The following MAGI2 variants were observed in gnomAD, a reference collection of about 807,000 sequenced individuals.
MAGI2 encodes the protein membrane associated guanylate kinase, WW and PDZ domain containing 2, also known as membrane-associated guanylate kinase, WW and PDZ domain-containing protein 2.
In MAGI2, 35 loss-of-function variants were observed where a neutral mutation model predicts 133.3. That is an observed-to-expected ratio of 0.26 (90% CI 0.20 to 0.35). The LOEUF (loss-of-function observed/expected upper bound fraction) is 0.35. MAGI2 is among the 10% of genes least tolerant of loss of function. MAGI2 has a pLI of 1.00. For missense variants in MAGI2, 1,636 were observed against 1,863.4 expected, an observed-to-expected ratio of 0.88 and a Z score of 2.25; for synonymous variants, 729 against 710.6, an observed-to-expected ratio of 1.03 and a Z score of -0.41.
At chr7:78,135,526 C>T (rs1433530915) in intron 16 of MAGI2, among the ~76,000 whole-genome samples, 1 of 152,074 alleles carries the variant, frequency 6.6e-6, no homozygotes, top group Non-Finnish European at 1.5e-5. Context: ...GTTAGAATGT[C>T]CAGGCAGGAG....
intron 10 of MAGI2, among the ~76,000 whole-genome samples, chr7:78,237,097 A>G (rs750931567): frequency 6.6e-6 from 1 of 152,186 alleles, no homozygotes; most frequent in Non-Finnish European, 1.5e-5. Flanking sequence ...TTGGGTGGGG[A>G]CACAGCCAAA....
intron 2 of MAGI2, among the ~76,000 whole-genome samples, chr7:78,869,974 A>G (rs1794899176): frequency 2.6e-5 from 4 of 152,162 alleles, no homozygotes. Context: ...TACCAGTACC[A>G]TTCTGCTTTG....
intron 11 of MAGI2, among the ~76,000 whole-genome samples, chr7:78,195,540 A>G (rs544619688): frequency 1.3e-5 from 2 of 152,254 alleles, no homozygotes; most frequent in East Asian, 3.9e-4. Flanking sequence ...ACAACTTCCT[A>G]CGCTTGAGCA....
intron 2 of MAGI2, among the ~76,000 whole-genome samples, chr7:78,921,880 G>A (rs1799256372): frequency 6.6e-6 from 1 of 152,104 alleles, no homozygotes; most frequent in Non-Finnish European, 1.5e-5. Context: ...TGATCCGCCT[G>A]CCTTGGCCTC....
intron 3 of MAGI2, among the ~76,000 whole-genome samples, chr7:78,563,342 A>G (rs952808479): frequency 6.6e-6 from 1 of 152,182 alleles, no homozygotes; most frequent in Non-Finnish European, 1.5e-5. Flanking sequence ...TGGGGGCTGC[A>G]TTCAATGCTC....
At chr7:78,412,636 C>T (rs1276351008) in intron 6 of MAGI2, among the ~76,000 whole-genome samples, 1 of 152,020 alleles carries the variant, frequency 6.6e-6, no homozygotes, top group Non-Finnish European at 1.5e-5. Flanking sequence ...GTCACTGTTT[C>T]TCTCACTGGG....
intron 1 of MAGI2, among the ~76,000 whole-genome samples, chr7:79,113,041 A>T (rs1819065308): frequency 6.6e-6 from 1 of 152,242 alleles, no homozygotes; most frequent in Non-Finnish European, 1.5e-5. Context: ...TGTATAATTT[A>T]CAATGCAGAG....
chr7:78,139,552 A>G (rs1822528564), intron 16 of MAGI2, among the ~76,000 whole-genome samples: 1 of 152,224 alleles, frequency 6.6e-6, no homozygotes, highest in Admixed American at 6.5e-5. Context: ...GTACTCATTA[A>G]TTCCCTGAGA....
chr7:79,306,188 C>CATAT (rs145878039), intron 1 of MAGI2, among the ~76,000 whole-genome samples: 1 of 142,980 alleles, frequency 7.0e-6, no homozygotes, highest in South Asian at 2.2e-4. Flanking sequence ...TATATATACA[C>CATAT]ATATATATAT....
intron 2 of MAGI2, among the ~76,000 whole-genome samples, chr7:78,656,485 C>A (rs1812289156): frequency 6.6e-6 from 1 of 151,930 alleles, no homozygotes; most frequent in Non-Finnish European, 1.5e-5. Context: ...AAGTCTAATA[C>A]ACAGAAACAG....
chr7:78,318,898 T>C (rs895163184), intron 9 of MAGI2, among the ~76,000 whole-genome samples: 2 of 152,098 alleles, frequency 1.3e-5, no homozygotes, highest in Non-Finnish European at 2.9e-5. Flanking sequence ...ATAAAATCCG[T>C]TACAGACAAG....
At chr7:78,812,343 C>A (rs551719621) in intron 2 of MAGI2, among the ~76,000 whole-genome samples, 3 of 152,108 alleles carry the variant, frequency 2.0e-5, no homozygotes, top group Non-Finnish European at 2.9e-5. Context: ...ATGTAGCCTG[C>A]AAAATCTAAA....
At chr7:79,369,356 T>C (rs1255646592) in intron 1 of MAGI2, among the ~76,000 whole-genome samples, 2 of 152,236 alleles carry the variant, frequency 1.3e-5, no homozygotes, top group Admixed American at 1.3e-4. Flanking sequence ...ATTACCCTAA[T>C]GAAACCACTC....
chr7:78,676,364 C>T (rs1182842361), intron 2 of MAGI2, among the ~76,000 whole-genome samples: 1 of 152,096 alleles, frequency 6.6e-6, no homozygotes, highest in African/African-American at 2.4e-5. Flanking sequence ...ACACTGTTTT[C>T]TTGGCGATTC....
chr7:78,530,060 T>C (rs1797330964), intron 3 of MAGI2, among the ~76,000 whole-genome samples: 1 of 152,192 alleles, frequency 6.6e-6, no homozygotes, highest in African/African-American at 2.4e-5. Context: ...GCAGCTGCTA[T>C]ACTGGACAGC....
chr7:78,096,195 G>T (rs1390570605), intron 20 of MAGI2, among the ~76,000 whole-genome samples: 1 of 152,220 alleles, frequency 6.6e-6, no homozygotes, highest in Non-Finnish European at 1.5e-5. Flanking sequence ...AGATAATGTA[G>T]CAATGGTAGC....
intron 1 of MAGI2, among the ~76,000 whole-genome samples, chr7:79,273,434 T>C (rs1474532544): frequency 1.3e-5 from 2 of 152,028 alleles, no homozygotes; most frequent in African/African-American, 4.8e-5. Flanking sequence ...CAAGAGGAAA[T>C]AAGTAAAATA....
Position 79,081,052 on chromosome 7 carries a change from C to T in MAGI2, c.302-73846G>A, listed in dbSNP as rs148350388. On this transcript the variant is annotated intron_variant, in intron 1 of 21. Coordinates refer to ENST00000354212, the MANE Select transcript of MAGI2 (RefSeq NM_012301.4). ...TAGAAATCAAGGTCCTAAACCCGGC[C>T]GCACAGATATGACCCTGCCTACTCT... Among the ~76,000 whole-genome samples, 1,181 of 152,176 alleles carry T rather than the reference C, an allele frequency of 7.8e-3. 6 individuals carry two copies. Among genetic ancestry groups the T allele is most frequent in the African/African-American group, 0.012 (518 of 41,526 alleles).
chr7:78,288,456 G>C (rs918926513), intron 9 of MAGI2, among the ~76,000 whole-genome samples: 2 of 151,964 alleles, frequency 1.3e-5, no homozygotes, highest in Non-Finnish European at 2.9e-5. Flanking sequence ...TCCTTCCCTA[G>C]GTTCCTTGTT....
Sources: gnomAD v4.1 joint callset for allele counts (sites outside exome capture counted in the v4.1 genomes callset) on GRCh38, gnomAD v4.1.1 for gene constraint, MANE v1.5 for transcripts, NCBI Gene and HGNC (gene_info 2026-07-23, HGNC 2026-07-21) for gene names.